SIPA1L1: variants seen among roughly 807,000 people sequenced by gnomAD.
SIPA1L1 encodes the protein signal-induced proliferation-associated 1-like protein 1.
A neutral mutation model predicts 162.7 loss-of-function variants in SIPA1L1; 26 were observed. That is an observed-to-expected ratio of 0.16 (90% CI 0.12 to 0.22). The LOEUF (loss-of-function observed/expected upper bound fraction) is 0.22, where lower values mean the gene tolerates loss of function less well. Among genes scored for constraint, SIPA1L1 ranks in the 10% least tolerant of loss-of-function variants. The probability of loss-of-function intolerance (pLI) is 1.00; values close to 1 mark genes in which losing one functional copy is unlikely to be tolerated. For missense variants in SIPA1L1, 1,874 were observed against 2,241.0 expected (o/e 0.84, Z 3.31); for synonymous variants, 829 against 837.4 (o/e 0.99, Z 0.17).
At chr14:71,724,009 T>C in intron 18 of SIPA1L1, 123 bp downstream of exon 18, 2 of 1,056,774 alleles carry the variant, frequency 1.9e-6, no homozygotes, top group Non-Finnish European at 2.7e-6. Context: ...AGTTGGTCTG[T>C]TGGTGGGATT....
intron 5 of SIPA1L1, 80 bp from the exon 6 acceptor site, chr14:71,618,677 C>T: frequency 7.7e-7 from 1 of 1,303,528 alleles, no homozygotes; most frequent in Non-Finnish European, 1.1e-6. Flanking sequence ...TGAGTGACAA[C>T]CTTAAATACT....
intron 17 of SIPA1L1, among the ~76,000 whole-genome samples, chr14:71,714,583 CTCTTT>C (rs748991389): frequency 8.8e-4 from 66 of 74,848 alleles, no homozygotes; most frequent in African/African-American, 1.4e-3. Context: ...CAGCTTTTCT[CTCTTT>C]TTTTTTTTAA....
chr14:71,436,166 AT>A (rs1295728594), intron 2 of SIPA1L1, among the ~76,000 whole-genome samples: 1 of 152,220 alleles, frequency 6.6e-6, no homozygotes, highest in Non-Finnish European at 1.5e-5. Flanking sequence ...ATCTATGGAA[AT>A]AATGTTTTTA....
At chr14:71,453,922 A>G (rs544006080) in intron 2 of SIPA1L1, among the ~76,000 whole-genome samples, 278 of 135,458 alleles carry the variant, frequency 2.1e-3, no homozygotes, top group Non-Finnish European at 2.6e-3. Context: ...TGAACCTGGG[A>G]GGCAAAAGTT....
intron 2 of SIPA1L1, among the ~76,000 whole-genome samples, chr14:71,439,321 C>A (rs1486324123): frequency 6.6e-6 from 1 of 152,166 alleles, no homozygotes; most frequent in South Asian, 2.1e-4. Flanking sequence ...CACTCCTCTC[C>A]CTCTTCTTCA....
intron 17 of SIPA1L1, among the ~76,000 whole-genome samples, chr14:71,723,238 C>T (rs958861554): frequency 2.0e-5 from 3 of 152,162 alleles, no homozygotes; most frequent in African/African-American, 4.8e-5. Flanking sequence ...TCAGCTTGGT[C>T]CCAGAGAGCA....
chr14:71,569,234 A>G (rs1275216522), intron 4 of SIPA1L1, among the ~76,000 whole-genome samples: 3 of 152,158 alleles, frequency 2.0e-5, no homozygotes, highest in East Asian at 1.9e-4. Context: ...AGGGGCATGA[A>G]TTTTAATTTA....
chr14:71,731,059 T>C (rs773203882), intron 20 of SIPA1L1, among the ~76,000 whole-genome samples: 1 of 152,218 alleles, frequency 6.6e-6, no homozygotes, highest in Non-Finnish European at 1.5e-5. Flanking sequence ...GATGCACTGC[T>C]GTCACCCTTC....
rs750250843 is a variant in SIPA1L1 at position 71,685,507 on chromosome 14, C to G, written c.3250C>G (p.Gln1084Glu). 6.2e-7 allele frequency: 1 copy of G among 1,614,212 alleles called. No homozygotes were observed. The highest frequency in any genetic ancestry group is 8.5e-7 in the Non-Finnish European group (1 of 1,180,034). The part of the protein sequence containing the change: ...KGPHSPQVPS[Q>E]VQSPMTSRLN... ...GCCTCATTCACCTCAAGTCCCGTCC[C>G]AGGTGCAGAGTCCCATGACCTCGCG... Residue 1084 changes from glutamine to glutamate, a missense_variant, in exon 13 of 24, where the codon CAG becomes GAG. Around this residue, in one of 5 missense-constraint regions of SIPA1L1, gnomAD observed 936 missense variants for 1,051.9 expected, o/e 0.89. Transcript: ENST00000381232.
intron 2 of SIPA1L1, among the ~76,000 whole-genome samples, chr14:71,454,847 C>T (rs1013369233): frequency 7.2e-5 from 11 of 152,178 alleles, no homozygotes; most frequent in African/African-American, 1.9e-4. Flanking sequence ...TCTGTCTACC[C>T]GGTGTCACTG....
intron 5 of SIPA1L1, among the ~76,000 whole-genome samples, chr14:71,613,991 C>T (rs1018392504): frequency 6.6e-6 from 1 of 152,076 alleles, no homozygotes; most frequent in East Asian, 1.9e-4. Context: ...CACCTGAGGT[C>T]AGGAGTTTGA....
chr14:71,476,501 A>G (rs1007990961), intron 2 of SIPA1L1, among the ~76,000 whole-genome samples: 1 of 152,164 alleles, frequency 6.6e-6, no homozygotes, highest in Non-Finnish European at 1.5e-5. Flanking sequence ...ACATTGTTCC[A>G]TTATCTTTAA....
Position 71,330,422 on chromosome 14 carries a change from T to C in SIPA1L1, c.-465+9241T>C, listed in dbSNP as rs1036183935. The C allele has an allele frequency of 5.4e-6, 8 of 1,468,614 alleles. No homozygotes were observed. The African/African-American group carries it at 8.3e-5, about 15-fold the overall frequency. 91.0% of individuals were successfully genotyped at this position (1,468,614 alleles called of 1,614,324 possible). On this transcript the variant is annotated intron_variant, in intron 2 of 23. Transcript: ENST00000381232. ...CTGATTTCACGAGCTGTCTTCAGGA[T>C]CTCAGCAGCCTTGCTGTGCTCAATA...
At chr14:71,517,312 A>AT (rs1344698403) in intron 3 of SIPA1L1, among the ~76,000 whole-genome samples, 10 of 151,982 alleles carry the variant, frequency 6.6e-5, no homozygotes, top group African/African-American at 2.4e-5. Context: ...AATTAAAAAA[A>AT]TTTTTTTTGG....
At chr14:71,423,538 A>C (rs956417954) in intron 2 of SIPA1L1, among the ~76,000 whole-genome samples, 1 of 152,148 alleles carries the variant, frequency 6.6e-6, no homozygotes, top group Admixed American at 6.6e-5. Flanking sequence ...TTGCATATGC[A>C]GTTTTCCCAG....
intron 4 of SIPA1L1, among the ~76,000 whole-genome samples, chr14:71,553,630 G>A (rs1401740357): frequency 6.6e-6 from 1 of 152,198 alleles, no homozygotes; most frequent in Non-Finnish European, 1.5e-5. Context: ...GATATTCTGA[G>A]ATAAGGTAAA....
In SIPA1L1 at chr14:71,589,148, G is replaced by C; in HGVS notation, c.1276G>C (p.Glu426Gln). 6.2e-7 allele frequency: 1 copy of C among 1,614,100 alleles called. No individual in the cohort carries two copies. Among genetic ancestry groups the C allele is most frequent in the Non-Finnish European group, 8.5e-7 (1 of 1,179,980 alleles). ...TCGGAATGAGATAGGTGGAGAAGGG[G>C]AGAGGAAAATCAGCCTTTCAAAATC... ...YFRNEIGGEG[E>Q]RKISLSKSNS... Residue 426 changes from glutamate to glutamine, a missense_variant, in exon 5 of 24, where the codon GAG becomes CAG. By Grantham distance (29) the Glu-to-Gln change is conservative (BLOSUM62 2). Coordinates refer to ENST00000381232, the MANE Select transcript of SIPA1L1 (RefSeq NM_001386936.1).
At chr14:71,505,960 T>TCCC (rs34146532) in intron 2 of SIPA1L1, among the ~76,000 whole-genome samples, 2 of 137,842 alleles carry the variant, frequency 1.5e-5, no homozygotes, top group Non-Finnish European at 3.1e-5. Context: ...ATGCAAATAT[T>TCCC]CCCCCCCCCC....
intron 3 of SIPA1L1, among the ~76,000 whole-genome samples, chr14:71,518,501 T>G (rs140645292): frequency 1.4e-3 from 208 of 152,350 alleles, no homozygotes; most frequent in Non-Finnish European, 2.5e-3. Context: ...CCCTCATTAC[T>G]GTTGTCTTCA....
Sources: allele counts gnomAD v4.1 joint callset (sites outside exome capture counted in the v4.1 genomes callset), GRCh38; gene constraint gnomAD v4.1.1; regional missense constraint gnomAD v4.1.1; transcripts MANE v1.5; gene names NCBI Gene and HGNC (gene_info 2026-07-23, HGNC 2026-07-21).